The following ARHGAP32 variants were observed in gnomAD, a reference collection of about 807,000 sequenced individuals.
ARHGAP32 encodes the protein rho GTPase-activating protein 32.
In ARHGAP32, 51 loss-of-function variants were observed where a neutral mutation model predicts 186.5. The observed-to-expected ratio is 0.27, with a 90% CI of 0.22 to 0.35. The LOEUF (loss-of-function observed/expected upper bound fraction) is 0.35, where lower values mean the gene tolerates loss of function less well. Among genes scored for constraint, ARHGAP32 ranks in the 10% least tolerant of loss-of-function variants. The pLI, the probability that ARHGAP32 is intolerant of heterozygous loss-of-function variation, is 1.00. For synonymous variants in ARHGAP32, 950 were observed against 964.3 expected, an observed-to-expected ratio of 0.99 and a Z score of 0.27; for missense variants, 2,186 against 2,623.5, an observed-to-expected ratio of 0.83 and a Z score of 3.64.
In ARHGAP32 at chr11:129,064,871, G is replaced by T; in HGVS notation, c.732C>A (p.Ile244=). The T allele has an allele frequency of 6.3e-7, 1 of 1,599,322 alleles. No individual in the cohort carries two copies. Among genetic ancestry groups the T allele is most frequent in the East Asian group, 2.3e-5 (1 of 44,272 alleles). The change falls in exon 8 of 23, where the codon ATC becomes ATA. Residue 244 remains isoleucine, a synonymous_variant. Coordinates refer to ENST00000682385, the MANE Select transcript of ARHGAP32 (RefSeq NM_001378024.1). ...TCCAGGTAAGGGCGGGCCCACAGTT[G>T]ATCTTGTTGCCAGCGATAGCTGAAA... ...SRLSAIAGNK[I]NCGPALTWME...
intron 1 of ARHGAP32, among the ~76,000 whole-genome samples, chr11:129,212,885 CA>C: frequency 6.8e-6 from 1 of 148,026 alleles, no homozygotes; most frequent in Non-Finnish European, 1.5e-5. Context: ...AGAATTCTTA[CA>C]AGACAACAAA....
chr11:128,980,444 A>C, intron 18 of ARHGAP32, 109 bp downstream of exon 18: 3 of 794,814 alleles, frequency 3.8e-6, no homozygotes, highest in Non-Finnish European at 5.7e-6. Flanking sequence ...GGACTAGCCT[A>C]GAATTCAATA....
intron 1 of ARHGAP32, among the ~76,000 whole-genome samples, chr11:129,271,147 AC>A (rs1364788929): frequency 1.3e-5 from 2 of 152,202 alleles, no homozygotes; most frequent in Non-Finnish European, 2.9e-5. Context: ...GATCTGATTA[AC>A]GTTTAACATT....
At chr11:129,027,669 G>A (rs1162484871) in intron 11 of ARHGAP32, among the ~76,000 whole-genome samples, 4 of 152,098 alleles carry the variant, frequency 2.6e-5, no homozygotes, top group South Asian at 2.1e-4. Flanking sequence ...AGCCATTCCC[G>A]GACCACCCTA....
intron 6 of ARHGAP32, among the ~76,000 whole-genome samples, chr11:129,070,764 A>C (rs2079358816): frequency 6.6e-6 from 1 of 151,992 alleles, no homozygotes; most frequent in Non-Finnish European, 1.5e-5. Context: ...ACGTTGTACC[A>C]ATTTTTACTG....
chr11:129,060,734 G>A (rs1305671157), intron 10 of ARHGAP32, among the ~76,000 whole-genome samples: 24 of 151,944 alleles, frequency 1.6e-4, no homozygotes, highest in Non-Finnish European at 3.1e-4. Context: ...TCATAATAGG[G>A]AAAGGGATAG....
intron 11 of ARHGAP32, among the ~76,000 whole-genome samples, chr11:129,029,449 G>A (rs1939000755): frequency 6.6e-6 from 1 of 152,166 alleles, no homozygotes; most frequent in Non-Finnish European, 1.5e-5. Context: ...GGAGATTTCA[G>A]CAAATCCTAC....
intron 10 of ARHGAP32, among the ~76,000 whole-genome samples, chr11:129,045,156 G>T (rs619325): frequency 0.44 from 66,711 of 151,976 alleles, 15,063 homozygotes; most frequent in Middle Eastern, 0.59. Flanking sequence ...AGCTAAACTA[G>T]ACAGTTTCCC....
intron 11 of ARHGAP32, chr11:129,024,008 C>T (rs1938717107): frequency 1.2e-5 from 12 of 985,368 alleles, no homozygotes; most frequent in Non-Finnish European, 1.4e-5. Context: ...AACCTCACCA[C>T]CACAGGTTAA....
chr11:128,992,651 G>A (rs1273253197), intron 12 of ARHGAP32, among the ~76,000 whole-genome samples: 2 of 152,048 alleles, frequency 1.3e-5, no homozygotes, highest in Non-Finnish European at 2.9e-5. Flanking sequence ...GCCAGGCATG[G>A]TGGTGGGCGC....
chr11:129,241,225 A>G (rs1023731575), intron 1 of ARHGAP32, among the ~76,000 whole-genome samples: 4 of 152,254 alleles, frequency 2.6e-5, no homozygotes. Flanking sequence ...TATTTTAATT[A>G]AAGGACATAG....
chr11:129,058,978 A>G lies in ARHGAP32; in HGVS notation c.963+3302T>C, dbSNP rs1362955641. ...ACAATTGATTAATCATCACACAAAA[A>G]CATAACACGCAGTAACAGCAATGTT... On this transcript the variant is annotated intron_variant, in intron 10 of 22. Transcript: ENST00000682385. Among the ~76,000 whole-genome samples the G allele has an allele frequency of 2.0e-5, 3 of 152,302 alleles. No homozygotes were observed. The East Asian group carries it at 5.8e-4, about 29-fold the overall frequency.
intron 5 of ARHGAP32, among the ~76,000 whole-genome samples, chr11:129,122,328 A>G (rs1942552099): frequency 6.6e-6 from 1 of 152,054 alleles, no homozygotes; most frequent in South Asian, 2.1e-4. Flanking sequence ...TCAACCTTGT[A>G]AAGATTAAAA....
In ARHGAP32 at chr11:128,972,696, G is replaced by A. The variant is rs1945417658; in HGVS notation, c.3810C>T (p.Thr1270=). 1 of 1,613,916 alleles carries A rather than the reference G, an allele frequency of 6.2e-7. No individual in the cohort carries two copies. The highest frequency in any genetic ancestry group is 1.7e-5 in the Admixed American group (1 of 59,988). The part of the protein sequence containing the change: ...YPPSGSPEEN[T]STATMTYMTT... ...TCATGTAAGTCATGGTGGCTGTGCT[G>A]GTATTCTCTTCGGGGGACCCAGAAG... Residue 1270 remains threonine (T), a synonymous_variant, in exon 22 of 23, where the codon ACC becomes ACT. Transcript: ENST00000682385.
chr11:129,151,051 G>A (rs1943276492), intron 2 of ARHGAP32, among the ~76,000 whole-genome samples: 1 of 151,752 alleles, frequency 6.6e-6, no homozygotes, highest in Admixed American at 6.6e-5. Flanking sequence ...CACACAGATG[G>A]AAACCAAATG....
chr11:129,016,732 T>C (rs984843819), intron 11 of ARHGAP32, among the ~76,000 whole-genome samples: 1 of 152,202 alleles, frequency 6.6e-6, no homozygotes, highest in Non-Finnish European at 1.5e-5. Context: ...AATCAGCTTG[T>C]CAAATTAGAA....
At chr11:129,113,152 A>T (rs1942274097) in intron 5 of ARHGAP32, among the ~76,000 whole-genome samples, 1 of 152,150 alleles carries the variant, frequency 6.6e-6, no homozygotes, top group African/African-American at 2.4e-5. Context: ...GGTGTTATTC[A>T]AGGTTTATGG....
chr11:129,119,670 G>A (rs1410444734), intron 5 of ARHGAP32, among the ~76,000 whole-genome samples: 2 of 152,044 alleles, frequency 1.3e-5, no homozygotes, highest in Non-Finnish European at 2.9e-5. Flanking sequence ...AACAAAGAGA[G>A]GGAGATGAGG....
At chr11:128,973,939 C>T in intron 21 of ARHGAP32, 185 bp downstream of exon 21, 2 of 655,502 alleles carry the variant, frequency 3.1e-6, no homozygotes, top group Middle Eastern at 4.3e-4. Context: ...ACCATTGGCC[C>T]TTTTGGGGAG....
Sources: allele counts gnomAD v4.1 joint callset (sites outside exome capture counted in the v4.1 genomes callset), GRCh38; gene constraint gnomAD v4.1.1; transcripts MANE v1.5; gene names NCBI Gene and HGNC (gene_info 2026-07-23, HGNC 2026-07-21).